The following EMCN variants were observed in gnomAD, a reference collection of about 807,000 sequenced individuals.
The protein encoded by EMCN is endomucin, also known as MUC-14.
In EMCN, 37 loss-of-function variants were observed where a neutral mutation model predicts 38.4. The observed-to-expected ratio is 0.96, with a 90% CI of 0.74 to 1.27. The LOEUF (loss-of-function observed/expected upper bound fraction) is 1.27. Ranked by LOEUF, EMCN falls within the 50% of genes most tolerant of loss-of-function variation. The pLI is 0.00. For synonymous variants in EMCN, 95 were observed against 100.8 expected (o/e 0.94, Z 0.35); for missense variants, 318 against 302.8 (o/e 1.05, Z -0.37).
intron 1 of EMCN, among the ~76,000 whole-genome samples, chr4:100,496,546 A>G (rs1299261335): frequency 6.6e-6 from 1 of 152,154 alleles, no homozygotes; most frequent in Non-Finnish European, 1.5e-5. Context: ...AATGTTCCAA[A>G]AGAAATGTTA....
intron 2 of EMCN, among the ~76,000 whole-genome samples, chr4:100,476,136 A>C: frequency 6.6e-6 from 1 of 151,544 alleles, no homozygotes; most frequent in Non-Finnish European, 1.5e-5. Context: ...TTTGATACCT[A>C]CTCTCCAACT....
chr4:100,430,329 C>A (rs1169569031), intron 5 of EMCN, among the ~76,000 whole-genome samples: 2 of 152,096 alleles, frequency 1.3e-5, no homozygotes, highest in Non-Finnish European at 2.9e-5. Flanking sequence ...TTATGCTGCC[C>A]AATCTGCTGC....
chr4:100,400,606 G>A (rs1388910955), intron 11 of EMCN, among the ~76,000 whole-genome samples: 2 of 152,122 alleles, frequency 1.3e-5, no homozygotes. Context: ...ATTAAGGTCT[G>A]CCACTTTTTG....
intron 3 of EMCN, among the ~76,000 whole-genome samples, 170 bp from the exon 4 acceptor site, chr4:100,465,709 C>T (rs1728297611): frequency 6.6e-6 from 1 of 152,134 alleles, no homozygotes; most frequent in Non-Finnish European, 1.5e-5. Context: ...TAATTAATTA[C>T]TTTAAAGAAT....
At chr4:100,431,910 T>C (rs1311227591) in intron 5 of EMCN, among the ~76,000 whole-genome samples, 2 of 152,150 alleles carry the variant, frequency 1.3e-5, no homozygotes, top group Non-Finnish European at 2.9e-5. Context: ...TAAGGGTTAA[T>C]GGCTTATTCC....
intron 4 of EMCN, among the ~76,000 whole-genome samples, chr4:100,455,926 C>A (rs1250539792): frequency 3.9e-5 from 6 of 152,110 alleles, no homozygotes; most frequent in Non-Finnish European, 8.8e-5. Context: ...TCCCAAGTAG[C>A]TGGGAATACA....
intron 1 of EMCN, among the ~76,000 whole-genome samples, chr4:100,482,215 C>T (rs1728826833): frequency 1.3e-5 from 2 of 151,812 alleles, no homozygotes; most frequent in Non-Finnish European, 2.9e-5. Flanking sequence ...GAGCTTTTTC[C>T]AAGTTGGTAA....
intron 1 of EMCN, among the ~76,000 whole-genome samples, chr4:100,487,674 A>G (rs1728976242): frequency 6.6e-6 from 1 of 152,154 alleles, no homozygotes; most frequent in Non-Finnish European, 1.5e-5. Context: ...TGATGGTTTT[A>G]TAAAGGGTAT....
At position 100,480,043 on chromosome 4, in the gene EMCN, A is replaced by G. The variant is rs746996561; in HGVS notation, c.65-4T>C. On this transcript the variant is annotated splice_polypyrimidine_tract_variant and splice_region_variant and intron_variant, in intron 1 of 11. Coordinates refer to ENST00000296420, the MANE Select transcript of EMCN (RefSeq NM_016242.4). ...TTATTAGCTGCCTCTAAAACACCTG[A>G]AAAAAGTAAAGTAGTTGCATTAACA... 1.9e-6 allele frequency: 3 copies of G among 1,604,170 alleles called. No individual in the cohort carries two copies. The highest frequency in any genetic ancestry group is 3.4e-5 in the Admixed American group (2 of 58,152).
chr4:100,466,800 G>A (rs76986926), intron 3 of EMCN, among the ~76,000 whole-genome samples: 2,034 of 152,284 alleles, frequency 0.013, 42 homozygotes, highest in African/African-American at 0.046. Flanking sequence ...ACTCCTGGGG[G>A]TAAAGATTTT....
At chr4:100,415,327 AT>A (rs1322654048) in intron 10 of EMCN, among the ~76,000 whole-genome samples, 9 of 152,280 alleles carry the variant, frequency 5.9e-5, no homozygotes, top group African/African-American at 2.2e-4. Flanking sequence ...CTAGCACCAC[AT>A]TTTTTCATTG....
intron 1 of EMCN, among the ~76,000 whole-genome samples, chr4:100,489,539 G>A (rs1329286224): frequency 2.0e-5 from 3 of 152,098 alleles, no homozygotes; most frequent in Non-Finnish European, 4.4e-5. Flanking sequence ...CATCATAGCT[G>A]TTGTAATGTT....
At chr4:100,501,344 A>G (rs2110300948) in intron 1 of EMCN, among the ~76,000 whole-genome samples, 1 of 152,230 alleles carries the variant, frequency 6.6e-6, no homozygotes, top group East Asian at 1.9e-4. Context: ...TTTGTTTTAT[A>G]TCAAAGACCT....
At chr4:100,454,677 G>GT (rs1000707862) in intron 4 of EMCN, among the ~76,000 whole-genome samples, 4 of 152,122 alleles carry the variant, frequency 2.6e-5, no homozygotes, top group Non-Finnish European at 5.9e-5. Context: ...TGCGGAATGT[G>GT]TTTTGGGTGA....
intron 4 of EMCN, among the ~76,000 whole-genome samples, chr4:100,460,658 G>T (rs1200344976): frequency 1.3e-5 from 2 of 152,088 alleles, no homozygotes; most frequent in African/African-American, 4.8e-5. Context: ...CTCCCTCCAG[G>T]TCCCTCCCAT....
At chr4:100,461,965 C>A (rs969241212) in intron 4 of EMCN, among the ~76,000 whole-genome samples, 2 of 151,994 alleles carry the variant, frequency 1.3e-5, no homozygotes, top group Non-Finnish European at 2.9e-5. Context: ...GTGTGATGGG[C>A]GGAAAGGGAG....
chr4:100,410,218 G>T lies in EMCN; in HGVS notation c.*39+64C>A, dbSNP rs74817936. ...TTGAAATTCTTTAAAAACAATCTAA[G>T]CTGCACCAGGCTAACAAAACAGATA... On this transcript the variant is annotated intron_variant, in intron 11 of 11. Coordinates refer to ENST00000296420, the MANE Select transcript of EMCN (RefSeq NM_016242.4). 1,003 of 1,100,744 alleles carry T rather than the reference G, an allele frequency of 9.1e-4. 10 individuals carry two copies. In the African/African-American group the frequency reaches 0.013, roughly 15 times the overall value. The allele number at this position is 1,100,744 out of a possible 1,614,324, so 68.2% of individuals were successfully genotyped here. A position where few individuals can be genotyped will look rare whatever the true frequency, so the allele number is the denominator to read the frequency against.
At chr4:100,468,658 C>T (rs908005406) in intron 3 of EMCN, among the ~76,000 whole-genome samples, 4 of 151,844 alleles carry the variant, frequency 2.6e-5, no homozygotes, top group African/African-American at 9.7e-5. Flanking sequence ...AAAAGATGCT[C>T]TTAAAATATT....
chr4:100,475,335 A>ACACACACACT (rs1553930950), intron 2 of EMCN, among the ~76,000 whole-genome samples: 77 of 150,666 alleles, frequency 5.1e-4, no homozygotes, highest in African/African-American at 1.8e-3. Flanking sequence ...ACACACACAC[A>ACACACACACT]TTTTTCATAA....
Sources: gnomAD v4.1 joint callset for allele counts (sites outside exome capture counted in the v4.1 genomes callset) on GRCh38, gnomAD v4.1.1 for gene constraint, MANE v1.5 for transcripts, NCBI Gene and HGNC (gene_info 2026-07-23, HGNC 2026-07-21) for gene names.